CSGALNACT2: variants seen among roughly 807,000 people sequenced by gnomAD.
The protein encoded by CSGALNACT2 is beta 4 GalNAcT-2.
CSGALNACT2 carries 35 observed loss-of-function variants against 55.3 expected under a neutral mutation model. The ratio of observed to expected loss-of-function variants is 0.63; its 90% CI spans 0.48 to 0.84. The LOEUF is 0.84. Ranked by LOEUF, CSGALNACT2 falls within the 40% of genes least tolerant of loss-of-function variation. CSGALNACT2 has a pLI of 0.00. For synonymous variants in CSGALNACT2, 196 were observed against 224.9 expected (o/e 0.87, Z 1.15); for missense variants, 544 against 657.5 (o/e 0.83, Z 1.89).
At chr10:43,141,938 G>C (rs1298795084) in intron 1 of CSGALNACT2, among the ~76,000 whole-genome samples, 1 of 152,170 alleles carries the variant, frequency 6.6e-6, no homozygotes, top group Non-Finnish European at 1.5e-5. Flanking sequence ...TTTTCTGAGA[G>C]CTTATGGAAA....
intron 6 of CSGALNACT2, among the ~76,000 whole-genome samples, chr10:43,170,699 A>T (rs946341253): frequency 8.5e-5 from 13 of 152,158 alleles, no homozygotes; most frequent in Non-Finnish European, 1.5e-4. Context: ...GAACTAGGGG[A>T]CTCACTTTCA....
In CSGALNACT2 at chr10:43,155,127, T is replaced by C; in HGVS notation, c.-23T>C. On this transcript the variant is annotated 5_prime_UTR_variant, in exon 2 of 8. Coordinates refer to ENST00000374466, the MANE Select transcript of CSGALNACT2 (RefSeq NM_018590.5). ...TGAACACACAAAGAGCTTATTTTGT[T>C]AGGCAAATACACATTAATAAGAATG... The C allele has an allele frequency of 6.4e-7, 1 of 1,572,566 alleles. No homozygotes were observed. The highest frequency in any genetic ancestry group is 1.2e-5 in the South Asian group (1 of 86,936).
At chr10:43,172,729 A>G (rs1839407085) in intron 6 of CSGALNACT2, among the ~76,000 whole-genome samples, 1 of 152,330 alleles carries the variant, frequency 6.6e-6, no homozygotes, top group East Asian at 1.9e-4. Flanking sequence ...TTTATTTATT[A>G]GGAGGTGACA....
At chr10:43,167,132 CTA>C in intron 6 of CSGALNACT2, 34 bp downstream of exon 6, 3 of 1,318,754 alleles carry the variant, frequency 2.3e-6, no homozygotes, top group Non-Finnish European at 3.3e-6. Flanking sequence ...ATGAAAGACT[CTA>C]AAGATCTTTT....
intron 7 of CSGALNACT2, among the ~76,000 whole-genome samples, chr10:43,176,710 G>A (rs1019458940): frequency 1.3e-5 from 2 of 152,138 alleles, no homozygotes; most frequent in Non-Finnish European, 2.9e-5. Flanking sequence ...GACCACAGGC[G>A]TGCACCACCA....
chr10:43,159,057 T>C (rs966601280), intron 3 of CSGALNACT2, 126 bp downstream of exon 3: 3 of 615,552 alleles, frequency 4.9e-6, no homozygotes, highest in Non-Finnish European at 8.5e-6. Flanking sequence ...TTAGGGGAAC[T>C]TTATTTTTTT....
intron 6 of CSGALNACT2, among the ~76,000 whole-genome samples, chr10:43,168,011 AAG>A (rs1839303462): frequency 6.6e-6 from 1 of 152,196 alleles, no homozygotes; most frequent in Admixed American, 6.5e-5. Flanking sequence ...TTCAGGTAAA[AAG>A]GAAAACATTG....
Position 43,158,934 on chromosome 10 carries a change from A to G in CSGALNACT2, c.878+3A>G. 7 of 1,561,250 alleles carry G rather than the reference A, an allele frequency of 4.5e-6. No homozygotes were observed. Among genetic ancestry groups the G allele is most frequent in the Non-Finnish European group, 4.4e-6 (5 of 1,132,982 alleles). ...GTACAATTTATGCAGAACTTCAGGT[A>G]ACTGTCAGGGCTTAATGATTAAGCT... On this transcript the variant is annotated splice_donor_region_variant and intron_variant, in intron 3 of 7. Transcript: ENST00000374466.
rs1013666707 is a variant in CSGALNACT2, at chr10:43,169,148, A to G, written c.1254+2050A>G. On this transcript the variant is annotated intron_variant, in intron 6 of 7. Transcript: ENST00000374466. ...GGCTAGGGAGCCCCTAGACTACAAAAGTGAACTACTGTTAGCGCATTCCCC... is the reference window on the plus strand; with the variant it reads ...GGCTAGGGAGCCCCTAGACTACAAAGGTGAACTACTGTTAGCGCATTCCCC... 2.0e-5 allele frequency among the ~76,000 whole-genome samples: 3 copies of G among 152,320 alleles called. No individual in the cohort carries two copies. The South Asian group carries it at 6.2e-4, about 32-fold the overall frequency.
At chr10:43,174,556 T>G (rs1839443084) in intron 6 of CSGALNACT2, among the ~76,000 whole-genome samples, 1 of 152,322 alleles carries the variant, frequency 6.6e-6, no homozygotes, top group South Asian at 2.1e-4. Context: ...GCTGTCATCT[T>G]GGTTGATCCT....
At chr10:43,163,425 G>A in intron 4 of CSGALNACT2, 1 of 744,640 alleles carries the variant, frequency 1.3e-6, no homozygotes, top group East Asian at 1.3e-4. Flanking sequence ...GTGGGAGGTG[G>A]CAGCTGCTTC....
chr10:43,161,793 G>A (rs149096513), intron 4 of CSGALNACT2, among the ~76,000 whole-genome samples: 294 of 152,232 alleles, frequency 1.9e-3, no homozygotes, highest in Middle Eastern at 6.8e-3. Flanking sequence ...TAATTAGTTA[G>A]TTCCTACTTA....
intron 6 of CSGALNACT2, among the ~76,000 whole-genome samples, chr10:43,173,976 C>G (rs2503860): frequency 0.84 from 127,711 of 152,112 alleles, 54,264 homozygotes; most frequent in African/African-American, 0.95. Context: ...CTGGGCAACA[C>G]AGTGAGACTC....
intron 5 of CSGALNACT2, among the ~76,000 whole-genome samples, chr10:43,166,418 C>T (rs1236003291): frequency 6.6e-6 from 1 of 152,172 alleles, no homozygotes; most frequent in African/African-American, 2.4e-5. Context: ...GGCTAGTTAG[C>T]CTTTATGGTC....
chr10:43,174,334 C>G (rs1215232313), intron 6 of CSGALNACT2, among the ~76,000 whole-genome samples: 1 of 152,168 alleles, frequency 6.6e-6, no homozygotes, highest in African/African-American at 2.4e-5. Flanking sequence ...GCAGCAATTT[C>G]AGACTGTGCC....
rs1471908964 is a variant in CSGALNACT2 at position 43,167,105 on chromosome 10, CTT to C, written c.1254+9_1254+10del. ...ACCTGTGGAGCAGCAGCTGGTGAGACTTTCACATTTTCAGTTATGAAAGACTC... is the reference window on the plus strand; with the variant it reads ...ACCTGTGGAGCAGCAGCTGGTGAGACTCACATTTTCAGTTATGAAAGACTC... On this transcript the variant is annotated splice_region_variant and intron_variant, in intron 6 of 7. Coordinates refer to ENST00000374466, the MANE Select transcript of CSGALNACT2 (RefSeq NM_018590.5). The C allele has an allele frequency of 6.4e-7, 1 of 1,569,834 alleles. No individual in the cohort carries two copies. The highest frequency in any genetic ancestry group is 8.8e-7 in the Non-Finnish European group (1 of 1,140,518).
At chr10:43,171,539 GATGGGGTTTCACC>G (rs1839383450) in intron 6 of CSGALNACT2, among the ~76,000 whole-genome samples, 1 of 152,096 alleles carries the variant, frequency 6.6e-6, no homozygotes, top group South Asian at 2.1e-4. Context: ...TTTTAGTAGA[GATGGGGTTTCACC>G]ATGTTGGCCA....
At chr10:43,146,208 G>A (rs561896124) in intron 1 of CSGALNACT2, among the ~76,000 whole-genome samples, 1 of 152,260 alleles carries the variant, frequency 6.6e-6, no homozygotes, top group African/African-American at 2.4e-5. Context: ...CAAAAGTAGG[G>A]AAGCTAACAG....
chr10:43,144,010 C>T (rs1838689105), intron 1 of CSGALNACT2, among the ~76,000 whole-genome samples: 1 of 152,170 alleles, frequency 6.6e-6, no homozygotes, highest in Non-Finnish European at 1.5e-5. Context: ...GATATTTACA[C>T]TTCATAATGC....
Sources: allele counts gnomAD v4.1 joint callset (sites outside exome capture counted in the v4.1 genomes callset), GRCh38; gene constraint gnomAD v4.1.1; transcripts MANE v1.5; gene names NCBI Gene and HGNC (gene_info 2026-07-23, HGNC 2026-07-21).